The following BACH2 variants were observed in gnomAD, a reference collection of about 807,000 sequenced individuals.
The protein encoded by BACH2 is transcription regulator protein BACH2.
Under a neutral mutation model 61.8 loss-of-function variants are expected in BACH2, and 5 were observed. The observed-to-expected ratio is 0.08, with a 90% CI of 0.04 to 0.17. The LOEUF is 0.17. Ranked by LOEUF, BACH2 falls within the 10% of genes least tolerant of loss-of-function variation. The pLI, the probability that BACH2 is intolerant of heterozygous loss-of-function variation, is 1.00. For synonymous variants in BACH2, 446 were observed against 440.1 expected, an observed-to-expected ratio of 1.01 and a Z score of -0.17; for missense variants, 824 against 1,091.1, an observed-to-expected ratio of 0.76 and a Z score of 3.45.
chr6:89,944,493 T>C (rs767404482), intron 7 of BACH2, among the ~76,000 whole-genome samples: 6 of 152,232 alleles, frequency 3.9e-5, no homozygotes, highest in Admixed American at 6.5e-5. Context: ...TTTCTTTTTA[T>C]TAAGCAGACC....
chr6:90,066,502 T>C (rs1033229459), intron 5 of BACH2, among the ~76,000 whole-genome samples: 3 of 152,066 alleles, frequency 2.0e-5, no homozygotes, highest in Non-Finnish European at 4.4e-5. Context: ...GCAAGGAGAA[T>C]AGTTAGGACA....
intron 5 of BACH2, among the ~76,000 whole-genome samples, chr6:90,069,956 GGTGA>G (rs1396686438): frequency 6.6e-6 from 1 of 152,128 alleles, no homozygotes; most frequent in African/African-American, 2.4e-5. Context: ...GGCAGAGGTG[GGTGA>G]GAAAGGACAC....
rs1219878977 is a variant in BACH2 at position 89,930,340 on chromosome 6, A to T, written c.*2068T>A. The T allele has an allele frequency of 1.3e-5, 2 of 151,296 alleles. No homozygotes were observed. The highest frequency in any genetic ancestry group is 2.9e-5 in the Non-Finnish European group (2 of 67,900). The allele number at this position is 151,296 out of a possible 1,614,324, so 9.4% of individuals were successfully genotyped here. A position where few individuals can be genotyped will look rare whatever the true frequency, so the allele number is the denominator to read the frequency against. The stretch of plus-strand genomic sequence containing the variant: ...ATATTTGTACAGAAAAAAGTTAATA[A>T]TACTAAAACATATGTTACTATGATT... On this transcript the variant is annotated 3_prime_UTR_variant, in exon 9 of 9. Transcript: ENST00000257749.
chr6:90,026,568 C>T (rs1019664969), intron 5 of BACH2, among the ~76,000 whole-genome samples: 3 of 152,082 alleles, frequency 2.0e-5, no homozygotes, highest in African/African-American at 7.2e-5. Flanking sequence ...ACTGGATTGT[C>T]AAACCTAACT....
chr6:90,117,546 T>C (rs1235368267), intron 4 of BACH2, among the ~76,000 whole-genome samples: 2 of 151,958 alleles, frequency 1.3e-5, no homozygotes, highest in African/African-American at 4.8e-5. Context: ...TGCTCATTTA[T>C]AGCCTCCTCC....
intron 6 of BACH2, among the ~76,000 whole-genome samples, chr6:89,985,824 G>A (rs543182675): frequency 2.0e-5 from 3 of 152,286 alleles, no homozygotes; most frequent in African/African-American, 7.2e-5. Flanking sequence ...GGTTGTGGAC[G>A]AGCAGGCAGA....
At chr6:90,214,085 T>A (rs985233549) in intron 3 of BACH2, among the ~76,000 whole-genome samples, 3 of 152,226 alleles carry the variant, frequency 2.0e-5, no homozygotes, top group African/African-American at 7.2e-5. Context: ...GAGATTTCAT[T>A]GTCCTATTAA....
chr6:90,265,264 A>C (rs570106910), intron 2 of BACH2, among the ~76,000 whole-genome samples: 3 of 152,278 alleles, frequency 2.0e-5, no homozygotes, highest in African/African-American at 7.2e-5. Flanking sequence ...CCTTTTTTAT[A>C]AAATCCTTCC....
chr6:90,289,325 T>C (rs1353886792), intron 1 of BACH2, among the ~76,000 whole-genome samples: 1 of 152,150 alleles, frequency 6.6e-6, no homozygotes, highest in African/African-American at 2.4e-5. Context: ...GAGCGACACC[T>C]ATGCTGCGGC....
intron 2 of BACH2, among the ~76,000 whole-genome samples, chr6:90,261,851 T>G (rs564431246): frequency 6.6e-6 from 1 of 152,202 alleles, no homozygotes; most frequent in South Asian, 2.1e-4. Context: ...TCATAACCAA[T>G]CAGTTACCAA....
At chr6:90,217,788 A>G (rs1769589423) in intron 3 of BACH2, among the ~76,000 whole-genome samples, 1 of 152,190 alleles carries the variant, frequency 6.6e-6, no homozygotes, top group Admixed American at 6.5e-5. Flanking sequence ...ATAAACAGTA[A>G]ACAAAATTGA....
At chr6:90,181,036 A>G (rs193008444) in intron 4 of BACH2, among the ~76,000 whole-genome samples, 1 of 152,288 alleles carries the variant, frequency 6.6e-6, no homozygotes, top group East Asian at 1.9e-4. Flanking sequence ...GATACCCAGT[A>G]GTGGGATTGC....
chr6:89,959,302 A>G (rs374550210), intron 6 of BACH2, among the ~76,000 whole-genome samples: 7 of 152,182 alleles, frequency 4.6e-5, no homozygotes, highest in South Asian at 2.1e-4. Context: ...TTAGTAAAAA[A>G]AGGAAAATCA....
intron 3 of BACH2, among the ~76,000 whole-genome samples, chr6:90,232,375 A>G (rs1770126617): frequency 6.6e-6 from 1 of 152,210 alleles, no homozygotes; most frequent in Non-Finnish European, 1.5e-5. Context: ...CCTTTAGCTG[A>G]CAAAGCATTG....
intron 4 of BACH2, among the ~76,000 whole-genome samples, chr6:90,175,321 G>GT (rs1360668113): frequency 6.6e-6 from 1 of 151,644 alleles, no homozygotes; most frequent in Non-Finnish European, 1.5e-5. Flanking sequence ...TTATACAATG[G>GT]TTTTCCTATT....
chr6:90,269,909 A>T (rs1771466084), intron 2 of BACH2, among the ~76,000 whole-genome samples: 2 of 152,158 alleles, frequency 1.3e-5, no homozygotes, highest in Non-Finnish European at 2.9e-5. Flanking sequence ...TTCTGGTTAC[A>T]TGGATAAGTT....
At chr6:90,067,657 A>G (rs904365142) in intron 5 of BACH2, among the ~76,000 whole-genome samples, 1 of 152,220 alleles carries the variant, frequency 6.6e-6, no homozygotes, top group Non-Finnish European at 1.5e-5. Flanking sequence ...AAATGAGAAC[A>G]TAGACTGACT....
chr6:90,089,544 C>A (rs984167934), intron 4 of BACH2, among the ~76,000 whole-genome samples: 9 of 151,840 alleles, frequency 5.9e-5, no homozygotes, highest in African/African-American at 1.9e-4. Context: ...GAATTCTGAC[C>A]GAAATGAGAT....
chr6:89,976,825 G>A (rs986913320), intron 6 of BACH2, among the ~76,000 whole-genome samples: 1 of 152,074 alleles, frequency 6.6e-6, no homozygotes, highest in African/African-American at 2.4e-5. Context: ...CAGATACCTC[G>A]TTGGCTCTGG....
Sources: allele counts gnomAD v4.1 joint callset (sites outside exome capture counted in the v4.1 genomes callset), GRCh38; gene constraint gnomAD v4.1.1; transcripts MANE v1.5; gene names NCBI Gene and HGNC (gene_info 2026-07-23, HGNC 2026-07-21).